SMAD3: variants seen among roughly 807,000 people sequenced by gnomAD.
The protein encoded by SMAD3 is SMAD family member 3.
A neutral mutation model predicts 51.8 loss-of-function variants in SMAD3; 12 were observed. The observed-to-expected ratio is 0.23, with a 90% CI of 0.15 to 0.38. The LOEUF (loss-of-function observed/expected upper bound fraction) is 0.38. Among genes scored for constraint, SMAD3 ranks in the 10% least tolerant of loss-of-function variants. The pLI is 1.00. For missense variants in SMAD3, 294 were observed against 565.6 expected (o/e 0.52, Z 4.87); for synonymous variants, 238 against 227.7 (o/e 1.05, Z -0.41).
At chr15:67,170,835 T>G (rs572906658) in intron 5 of SMAD3, among the ~76,000 whole-genome samples, 1 of 152,274 alleles carries the variant, frequency 6.6e-6, no homozygotes, top group Non-Finnish European at 1.5e-5. Flanking sequence ...GTATTTCCCC[T>G]GGGGGGCGGG....
chr15:67,094,481 G>T (rs1451445615), intron 1 of SMAD3, among the ~76,000 whole-genome samples: 1 of 152,158 alleles, frequency 6.6e-6, no homozygotes, highest in Non-Finnish European at 1.5e-5. Context: ...ACCCTGAGGA[G>T]AGGGCTGTGA....
intron 1 of SMAD3, among the ~76,000 whole-genome samples, chr15:67,147,806 A>G (rs536299227): frequency 6.6e-6 from 1 of 152,274 alleles, no homozygotes; most frequent in African/African-American, 2.4e-5. Context: ...CTCCTCTCTC[A>G]GGAAGTTGTT....
intron 1 of SMAD3, chr15:67,098,552 A>T (rs971474145): frequency 3.4e-5 from 12 of 349,790 alleles, no homozygotes; most frequent in Non-Finnish European, 5.9e-5. Context: ...CAGCCCCGGT[A>T]GCCTGTCACT....
At chr15:67,146,464 C>G (rs576528584) in intron 1 of SMAD3, among the ~76,000 whole-genome samples, 1 of 152,188 alleles carries the variant, frequency 6.6e-6, no homozygotes, top group Non-Finnish European at 1.5e-5. Flanking sequence ...GAGGTGCGGC[C>G]TAGAGCGGGT....
chr15:67,080,369 A>G (rs1262050627), intron 1 of SMAD3, among the ~76,000 whole-genome samples: 1 of 152,234 alleles, frequency 6.6e-6, no homozygotes, highest in Non-Finnish European at 1.5e-5. Context: ...GCTGATGTCT[A>G]CTACTGAAGG....
At chr15:67,076,411 A>G (rs1960171385) in intron 1 of SMAD3, among the ~76,000 whole-genome samples, 2 of 152,198 alleles carry the variant, frequency 1.3e-5, no homozygotes, top group South Asian at 4.1e-4. Flanking sequence ...AGCTGCCCGT[A>G]AGTGCATGGA....
intron 8 of SMAD3, among the ~76,000 whole-genome samples, chr15:67,189,933 C>T (rs1816053645): frequency 6.6e-6 from 1 of 152,022 alleles, no homozygotes; most frequent in African/African-American, 2.4e-5. Flanking sequence ...ACTGTTGGCG[C>T]TTTGTAAAAA....
intron 6 of SMAD3, 83 bp downstream of exon 6, chr15:67,181,536 C>A: frequency 8.7e-7 from 1 of 1,144,364 alleles, no homozygotes; most frequent in South Asian, 1.3e-5. Context: ...GAACACACAG[C>A]CTCTGAAGGG....
intron 1 of SMAD3, among the ~76,000 whole-genome samples, chr15:67,118,383 A>T (rs1389173673): frequency 6.6e-6 from 1 of 152,252 alleles, no homozygotes; most frequent in African/African-American, 2.4e-5. Flanking sequence ...ATTTTCTGCT[A>T]CTAAGTAGAA....
intron 1 of SMAD3, among the ~76,000 whole-genome samples, chr15:67,159,716 T>C (rs1962377680): frequency 6.6e-6 from 1 of 152,226 alleles, no homozygotes; most frequent in African/African-American, 2.4e-5. Flanking sequence ...GATCCCTGCT[T>C]TCTGTCACTA....
intron 1 of SMAD3, among the ~76,000 whole-genome samples, chr15:67,129,777 A>C (rs1180447310): frequency 6.6e-6 from 1 of 152,242 alleles, no homozygotes; most frequent in African/African-American, 2.4e-5. Flanking sequence ...ATACTCAAAT[A>C]TAAAGATTGT....
At position 67,161,967 on chromosome 15, in the gene SMAD3, C is replaced by T. The variant is rs143650648; in HGVS notation, c.207-2928C>T. Among the ~76,000 whole-genome samples, 11 of 152,258 alleles carry T rather than the reference C, an allele frequency of 7.2e-5. No individual in the cohort carries two copies. The East Asian group carries it at 7.7e-4, about 11-fold the overall frequency. ...AGGGACGAGTCCCAGGCTGTCTTCT[C>T]GATCTGCCTGGTAATTACTGTTTTT... On this transcript the variant is annotated intron_variant, in intron 1 of 8. Coordinates refer to ENST00000327367, the MANE Select transcript of SMAD3 (RefSeq NM_005902.4).
At chr15:67,129,644 T>C (rs975917284) in intron 1 of SMAD3, among the ~76,000 whole-genome samples, 3 of 152,198 alleles carry the variant, frequency 2.0e-5, no homozygotes, top group Non-Finnish European at 4.4e-5. Flanking sequence ...CTCGGATAAT[T>C]GCAATTACTT....
At chr15:67,094,024 G>A (rs571864802) in intron 1 of SMAD3, among the ~76,000 whole-genome samples, 1 of 152,344 alleles carries the variant, frequency 6.6e-6, no homozygotes, top group East Asian at 1.9e-4. Context: ...TTCTGTTTTA[G>A]GGCTCTTTGT....
At chr15:67,181,943 C>A (rs1186910578) in intron 6 of SMAD3, among the ~76,000 whole-genome samples, 2 of 152,082 alleles carry the variant, frequency 1.3e-5, no homozygotes, top group East Asian at 3.9e-4. Flanking sequence ...CCAACCACCA[C>A]GCCCAGCTAA....
chr15:67,150,352 C>T (rs1350298813), intron 1 of SMAD3, among the ~76,000 whole-genome samples: 3 of 152,186 alleles, frequency 2.0e-5, no homozygotes, highest in Admixed American at 2.0e-4. Context: ...TCAGGAATGC[C>T]CGCCTGACAT....
chr15:67,184,276 A>T (rs1429262487), intron 6 of SMAD3, among the ~76,000 whole-genome samples: 1 of 152,060 alleles, frequency 6.6e-6, no homozygotes, highest in Non-Finnish European at 1.5e-5. Context: ...TAATTAAAAA[A>T]AAAATGTTTT....
chr15:67,147,700 T>C (rs1771336510), intron 1 of SMAD3, among the ~76,000 whole-genome samples: 1 of 152,198 alleles, frequency 6.6e-6, no homozygotes, highest in African/African-American at 2.4e-5. Context: ...TGTGAGCATG[T>C]CTGGAACCTG....
chr15:67,165,156 T>TC, intron 2 of SMAD3, 68 bp downstream of exon 2: 3 of 1,607,570 alleles, frequency 1.9e-6, no homozygotes, highest in South Asian at 2.2e-5. Context: ...CGGCTCCCCA[T>TC]CCCCCCGAGG....
Sources: allele counts gnomAD v4.1 joint callset (sites outside exome capture counted in the v4.1 genomes callset), GRCh38; gene constraint gnomAD v4.1.1; transcripts MANE v1.5; gene names NCBI Gene and HGNC (gene_info 2026-07-23, HGNC 2026-07-21).